The following NYAP1 variants were observed in gnomAD, a reference collection of about 807,000 sequenced individuals.
NYAP1 encodes the protein neuronal tyrosine phosphorylated phosphoinositide-3-kinase adaptor 1, also known as neuronal tyrosine-phosphorylated phosphoinositide-3-kinase adapter 1.
NYAP1 carries 20 observed loss-of-function variants against 58.6 expected under a neutral mutation model. That is an observed-to-expected ratio of 0.34 (90% CI 0.24 to 0.50). The LOEUF (loss-of-function observed/expected upper bound fraction) is 0.50. NYAP1 is among the 20% of genes least tolerant of loss of function. NYAP1 has a pLI of 0.98. For missense variants in NYAP1, 1,150 were observed against 1,194.5 expected (o/e 0.96, Z 0.55); for synonymous variants, 572 against 523.1 (o/e 1.09, Z -1.27).
rs1799686995 is a variant in NYAP1, at chr7:100,485,141, T to C, written c.-84-87T>C. 1 of 598,248 alleles carries C rather than the reference T, an allele frequency of 1.7e-6. No homozygotes were observed. Among genetic ancestry groups the C allele is most frequent in the East Asian group, 2.8e-5 (1 of 35,722 alleles). 37.1% of individuals were successfully genotyped at this position (598,248 alleles called of 1,614,324 possible). A position where few individuals can be genotyped will look rare whatever the true frequency, so the allele number is the denominator to read the frequency against. On this transcript the variant is annotated intron_variant, in intron 1 of 6. Transcript: ENST00000300179. The surrounding 1 kb of genome is among the most constrained non-coding windows in gnomAD (Gnocchi z 5.7). ...TCTCTGAGGACCCGAGTCATGTCTCTTCTCCGTTTTCTCTCTTTCATTCAT... is the reference window on the plus strand; with the variant it reads ...TCTCTGAGGACCCGAGTCATGTCTCCTCTCCGTTTTCTCTCTTTCATTCAT...
At position 100,489,335 on chromosome 7, in the gene NYAP1, G is replaced by C. The variant is rs765270718; in HGVS notation, c.1614G>C (p.Pro538=). Residue 538 remains proline (P), a synonymous_variant, in exon 4 of 7, where the codon CCG becomes CCC. Transcript: ENST00000300179. ...GCCTGGCCTCCCCCCACAGCCTTCCGGACCCAACTGTAGGCCCCCTGACCC... is the reference window on the plus strand; with the variant it reads ...GCCTGGCCTCCCCCCACAGCCTTCCCGACCCAACTGTAGGCCCCCTGACCC... ...RGCLASPHSL[P]DPTVGPLTPL... is the part of the protein sequence containing the mutation. The C allele has an allele frequency of 6.2e-7, 1 of 1,609,896 alleles. No individual in the cohort carries two copies. Among genetic ancestry groups the C allele is most frequent in the Non-Finnish European group, 8.5e-7 (1 of 1,178,880 alleles).
chr7:100,487,700 G>A lies in NYAP1; in HGVS notation c.431-452G>A, dbSNP rs1273391730. ...GTATTTTTAGTAGAGACAGGGTTTCGTCTTGTTGGCCAGGCTGACAAGGCC... is the reference window on the plus strand; with the variant it reads ...GTATTTTTAGTAGAGACAGGGTTTCATCTTGTTGGCCAGGCTGACAAGGCC... On this transcript the variant is annotated intron_variant, in intron 3 of 6. Transcript: ENST00000300179. The surrounding 1 kb of genome is among the most constrained non-coding windows in gnomAD (Gnocchi z 4.1). Among the ~76,000 whole-genome samples the A allele has an allele frequency of 2.0e-5, 3 of 152,136 alleles. No homozygotes were observed. The highest frequency in any genetic ancestry group is 2.9e-5 in the Non-Finnish European group (2 of 68,014).
At chr7:100,491,590 C>T (rs541099276) in intron 6 of NYAP1, among the ~76,000 whole-genome samples, 1 of 151,358 alleles carries the variant, frequency 6.6e-6, no homozygotes, top group East Asian at 2.0e-4. Flanking sequence ...GAGTGAGACC[C>T]TGTCTTAGAA....
At position 100,488,186 on chromosome 7, in the gene NYAP1, C is replaced by T. The variant is rs143210517; in HGVS notation, c.465C>T (p.Ser155=). The T allele has an allele frequency of 7.0e-4, 1,127 of 1,606,130 alleles. 2 individuals carry two copies. The highest frequency in any genetic ancestry group is 8.7e-4 in the Non-Finnish European group (1,029 of 1,177,434). ...SQKPTPEGRE[S]SRKVPPQKPR... ...AGCCAACCCCAGAGGGCCGAGAGTC[C>T]AGCCGGAAGGTTCCTCCGCAGAAGC... The change falls in exon 4 of 7, where the codon TCC becomes TCT. Residue 155 remains serine (S), a synonymous_variant. Coordinates refer to ENST00000300179, the MANE Select transcript of NYAP1 (RefSeq NM_173564.4). This position sits in a 1 kb window ranked among gnomAD's most constrained non-coding sequence, Gnocchi z 5.9.
In NYAP1 at chr7:100,488,777, T is replaced by C. The variant is rs142980120; in HGVS notation, c.1056T>C (p.Asp352=). ...QAKSASRTPG[D]GVSRLPVLCH... ...AGTCTGCTTCCCGAACCCCTGGCGA[T>C]GGGGTCTCAAGGCTACCTGTCCTCT... The change falls in exon 4 of 7, where the codon GAT becomes GAC. Residue 352 remains aspartate, a synonymous_variant. Coordinates refer to ENST00000300179, the MANE Select transcript of NYAP1 (RefSeq NM_173564.4). The surrounding 1 kb of genome is among the most constrained non-coding windows in gnomAD (Gnocchi z 5.9). 1 of 1,592,892 alleles carries C rather than the reference T, an allele frequency of 6.3e-7. No homozygotes were observed. Among genetic ancestry groups the C allele is most frequent in the Non-Finnish European group, 8.6e-7 (1 of 1,169,408 alleles).
chr7:100,486,486 C>T lies in NYAP1; in HGVS notation c.69-335C>T, dbSNP rs1371727395. ...AAGGAGCTGTGGGGGGCAGGCGTGT[C>T]CATCTGTGTTACCTGGGTTTGTATC... is the stretch of plus-strand genomic sequence containing the variant. On this transcript the variant is annotated intron_variant, in intron 2 of 6. Transcript: ENST00000300179. This position sits in a 1 kb window ranked among gnomAD's most constrained non-coding sequence, Gnocchi z 6.2. Among the ~76,000 whole-genome samples the T allele has an allele frequency of 6.6e-6, 1 of 152,072 alleles. No individual in the cohort carries two copies. Among genetic ancestry groups the T allele is most frequent in the African/African-American group, 2.4e-5 (1 of 41,398 alleles).
In NYAP1 at chr7:100,487,794, A is replaced by T. The variant is rs1470828734; in HGVS notation, c.431-358A>T. 6.6e-6 allele frequency among the ~76,000 whole-genome samples: 1 copy of T among 152,182 alleles called. No individual in the cohort carries two copies. The highest frequency in any genetic ancestry group is 1.5e-5 in the Non-Finnish European group (1 of 68,030). On this transcript the variant is annotated intron_variant, in intron 3 of 6. Coordinates refer to ENST00000300179, the MANE Select transcript of NYAP1 (RefSeq NM_173564.4). This position sits in a 1 kb window ranked among gnomAD's most constrained non-coding sequence, Gnocchi z 4.1. ...AGTGCTGGGATTACAGGCGTGAGCC[A>T]CTGTGCTTGGCCAATTAATTGACGT...
At position 100,494,151 on chromosome 7, in the gene NYAP1, G is replaced by T. The variant is rs1236640946; in HGVS notation, c.*248G>T. The T allele has an allele frequency of 2.2e-6, 1 of 459,474 alleles. No individual in the cohort carries two copies. The highest frequency in any genetic ancestry group is 2.1e-5 in the African/African-American group (1 of 48,602). The allele number at this position is 459,474 out of a possible 1,614,324, so 28.5% of individuals were successfully genotyped here. ...TTGAGGTTGGGGCGAGAGTCGCTCT[G>T]GCTGTTCTTCCCGCTGGGCGTTGTA... is the stretch of plus-strand genomic sequence containing the variant. On this transcript the variant is annotated 3_prime_UTR_variant, in exon 7 of 7. Transcript: ENST00000300179.
At position 100,489,162 on chromosome 7, in the gene NYAP1, C is replaced by G. The variant is rs377532415; in HGVS notation, c.1441C>G (p.Leu481Val). The change falls in exon 4 of 7, where the codon CTG becomes GTG. Residue 481 changes from leucine to valine, a missense_variant. Coordinates refer to ENST00000300179, the MANE Select transcript of NYAP1 (RefSeq NM_173564.4). ...CTCTGTCCTGCCAGCTGGTCCACCC[C>G]TGGGTGCTGGGGAGCCAAAGACGGA... Reference protein sequence around the residue: ...THSVLPAGPPLGAGEPKTEKE... With the variant: ...THSVLPAGPPVGAGEPKTEKE... 1.6e-5 allele frequency: 26 copies of G among 1,610,476 alleles called. No individual in the cohort carries two copies. Among genetic ancestry groups the G allele is most frequent in the Non-Finnish European group, 2.0e-5 (24 of 1,178,930 alleles).
intron 1 of NYAP1, among the ~76,000 whole-genome samples, chr7:100,484,706 A>T (rs1316314435): frequency 6.6e-6 from 1 of 152,104 alleles, no homozygotes; most frequent in Non-Finnish European, 1.5e-5. Flanking sequence ...GTACGCAAGT[A>T]GGCCCTGGGC....
At chr7:100,484,960 G>A (rs1017119223) in intron 1 of NYAP1, among the ~76,000 whole-genome samples, 1 of 152,034 alleles carries the variant, frequency 6.6e-6, no homozygotes, top group Non-Finnish European at 1.5e-5. Context: ...GGCCTGTATG[G>A]GTGGTGGATC....
intron 6 of NYAP1, among the ~76,000 whole-genome samples, chr7:100,492,757 G>C (rs1297697037): frequency 6.6e-6 from 1 of 152,038 alleles, no homozygotes; most frequent in Non-Finnish European, 1.5e-5. Context: ...AAATTATCCA[G>C]ACATGCTGGT....
rs559287596 is a variant in NYAP1, at chr7:100,487,284, A to G, written c.430+102A>G. ...GGGAGGGTTCATTCAGGGAAGAACC[A>G]AGGAAGTGGAAGATTCCATTCTCAA... On this transcript the variant is annotated intron_variant, in intron 3 of 6. Coordinates refer to ENST00000300179, the MANE Select transcript of NYAP1 (RefSeq NM_173564.4). The surrounding 1 kb of genome is among the most constrained non-coding windows in gnomAD (Gnocchi z 4.1). The G allele has an allele frequency of 8.2e-7, 1 of 1,218,304 alleles. No homozygotes were observed. Among genetic ancestry groups the G allele is most frequent in the Non-Finnish European group, 1.1e-6 (1 of 915,990 alleles). The allele number at this position is 1,218,304 out of a possible 1,614,324, so 75.5% of individuals were successfully genotyped here. A position where few individuals can be genotyped will look rare whatever the true frequency, so the allele number is the denominator to read the frequency against.
Position 100,488,682 on chromosome 7 carries a change from T to C in NYAP1, c.961T>C (p.Cys321Arg). The change falls in exon 4 of 7, where the codon TGT (cysteine) becomes CGT (arginine). Residue 321 changes from cysteine to arginine, a missense_variant. Physicochemically the swap from Cys to Arg is radical, Grantham distance 180 (BLOSUM62 -3). Coordinates refer to ENST00000300179, the MANE Select transcript of NYAP1 (RefSeq NM_173564.4). This position sits in a 1 kb window ranked among gnomAD's most constrained non-coding sequence, Gnocchi z 5.9. ...CGGGACGCCCACCAAGACCACTCCT[T>C]GTGAAATCCCCCCGCCCTTCCCCAA... Reference protein sequence around the residue: ...RDGTPTKTTPCEIPPPFPNLL... With the variant: ...RDGTPTKTTPREIPPPFPNLL... The C allele has an allele frequency of 6.2e-7, 1 of 1,608,898 alleles. No homozygotes were observed. The highest frequency in any genetic ancestry group is 8.5e-7 in the Non-Finnish European group (1 of 1,178,614).
In NYAP1 at chr7:100,494,460, A is replaced by T. The variant is rs879688257; in HGVS notation, c.*557A>T. 1 of 152,438 alleles carries T rather than the reference A, an allele frequency of 6.6e-6. No individual in the cohort carries two copies. Among genetic ancestry groups the T allele is most frequent in the Non-Finnish European group, 1.5e-5 (1 of 68,174 alleles). The allele number at this position is 152,438 out of a possible 1,614,324, so 9.4% of individuals were successfully genotyped here. On this transcript the variant is annotated 3_prime_UTR_variant, in exon 7 of 7. Transcript: ENST00000300179. ...CCAATGCCTAAAGGCCCCGCCGTCC[A>T]TGCCACCCCACAGCCAAGGAGGGGT...
In NYAP1 at chr7:100,487,908, C is replaced by T. The variant is rs900756969; in HGVS notation, c.431-244C>T. Among the ~76,000 whole-genome samples the T allele has an allele frequency of 2.0e-5, 3 of 152,026 alleles. No individual in the cohort carries two copies. The South Asian group carries it at 6.2e-4, about 32-fold the overall frequency. ...CTGGAATCCTAGCACTTTAGGAGGC[C>T]GAGGCAGGAGGATCCCTTGAGCCCA... On this transcript the variant is annotated intron_variant, in intron 3 of 6. Transcript: ENST00000300179. The surrounding 1 kb of genome is among the most constrained non-coding windows in gnomAD (Gnocchi z 4.1).
chr7:100,489,049 C>T lies in NYAP1; in HGVS notation c.1328C>T (p.Pro443Leu), dbSNP rs535743946. 6.0e-5 allele frequency: 92 copies of T among 1,543,390 alleles called. 1 individual carries two copies. The South Asian group carries it at 1.1e-3, about 18-fold the overall frequency. ...PKAAGAPAAP[P>L]APAALLPGPP... Reference sequence around the variant, plus strand: ...GCGGCGGGGGCGCCGGCAGCCCCCCCTGCCCCGGCCGCCTTGCTCCCCGGC... The same window carrying T: ...GCGGCGGGGGCGCCGGCAGCCCCCCTTGCCCCGGCCGCCTTGCTCCCCGGC... The change falls in exon 4 of 7, where the codon CCT becomes CTT. Residue 443 changes from proline to leucine, a missense_variant. By Grantham distance (98) the Pro-to-Leu change is moderately conservative (BLOSUM62 -3). Transcript: ENST00000300179.
Position 100,494,173 on chromosome 7 carries a change from T to G in NYAP1, c.*270T>G. ...TCTGGCTGTTCTTCCCGCTGGGCGT[T>G]GTACACCCCTCCTCCTGAACCAAGC... On this transcript the variant is annotated 3_prime_UTR_variant, in exon 7 of 7. Coordinates refer to ENST00000300179, the MANE Select transcript of NYAP1 (RefSeq NM_173564.4). The G allele has an allele frequency of 2.4e-6, 1 of 412,988 alleles. No individual in the cohort carries two copies. The highest frequency in any genetic ancestry group is 4.3e-6 in the Non-Finnish European group (1 of 233,286). 25.6% of individuals were successfully genotyped at this position (412,988 alleles called of 1,614,324 possible). A position where few individuals can be genotyped will look rare whatever the true frequency, so the allele number is the denominator to read the frequency against.
Position 100,485,218 on chromosome 7 carries a change from C to T in NYAP1, c.-84-10C>T, listed in dbSNP as rs1584357669. ...CTTTTTTTTCCGTTCTCACCCACCC[C>T]GCCCGCCAGTGGATCCGGGACCCAG... On this transcript the variant is annotated splice_polypyrimidine_tract_variant and intron_variant, in intron 1 of 6. Coordinates refer to ENST00000300179, the MANE Select transcript of NYAP1 (RefSeq NM_173564.4). This position sits in a 1 kb window ranked among gnomAD's most constrained non-coding sequence, Gnocchi z 5.7. 1.2e-5 allele frequency: 8 copies of T among 677,790 alleles called. No individual in the cohort carries two copies. The highest frequency in any genetic ancestry group is 3.6e-5 in the African/African-American group (2 of 55,074). The allele number at this position is 677,790 out of a possible 1,614,324, so 42.0% of individuals were successfully genotyped here. A position where few individuals can be genotyped will look rare whatever the true frequency, so the allele number is the denominator to read the frequency against.
Sources: gnomAD v4.1 joint callset for allele counts (sites outside exome capture counted in the v4.1 genomes callset) on GRCh38, gnomAD v4.1.1 for gene constraint, Gnocchi (gnomAD v3.1) non-coding constraint, MANE v1.5 for transcripts, NCBI Gene and HGNC (gene_info 2026-07-23, HGNC 2026-07-21) for gene names.